PLCL1: variants seen among roughly 807,000 people sequenced by gnomAD.
PLCL1 encodes inactive phospholipase C-like protein 1.
PLCL1 carries 41 observed loss-of-function variants against 84.4 expected under a neutral mutation model. The ratio of observed to expected loss-of-function variants is 0.49; its 90% CI spans 0.38 to 0.63. PLCL1 has a LOEUF of 0.63. Ranked by LOEUF, PLCL1 falls within the 30% of genes least tolerant of loss-of-function variation. The pLI, the probability that PLCL1 is intolerant of heterozygous loss-of-function variation, is 0.00. For missense variants in PLCL1, 1,206 were observed against 1,367.8 expected (o/e 0.88, Z 1.87); for synonymous variants, 490 against 488.3 (o/e 1.00, Z -0.05).
At chr2:197,866,647 T>C (rs1435570) in intron 1 of PLCL1, among the ~76,000 whole-genome samples, 110,595 of 152,036 alleles carry the variant, frequency 0.73, 41,273 homozygotes, top group African/African-American at 0.9. Flanking sequence ...ATATAAATAC[T>C]CCAGCTCCCT....
intron 1 of PLCL1, among the ~76,000 whole-genome samples, chr2:197,880,959 G>T (rs1359855748): frequency 3.9e-5 from 6 of 152,152 alleles, no homozygotes; most frequent in Non-Finnish European, 8.8e-5. Flanking sequence ...GTCTAAATGT[G>T]CAGAAATGTA....
At chr2:197,843,163 T>A (rs767206312) in intron 1 of PLCL1, among the ~76,000 whole-genome samples, 1 of 152,206 alleles carries the variant, frequency 6.6e-6, no homozygotes, top group Admixed American at 6.5e-5. Flanking sequence ...TAGGTCTATG[T>A]TGAGAAGGAT....
At chr2:198,119,976 G>A (rs189868098) in intron 5 of PLCL1, among the ~76,000 whole-genome samples, 1 of 152,074 alleles carries the variant, frequency 6.6e-6, no homozygotes, top group Admixed American at 6.6e-5. Flanking sequence ...GATGTCCAAG[G>A]TCACTGTAGA....
At chr2:197,983,200 C>CTTTTTTTTTTTTTTTTTTTTATTTTT (rs1690151121) in intron 1 of PLCL1, among the ~76,000 whole-genome samples, 1 of 60,256 alleles carries the variant, frequency 1.7e-5, no homozygotes, top group Non-Finnish European at 3.0e-5. Context: ...CTTTTCTTTT[C>CTTTTTTTTTTTTTTTTTTTTATTTTT]TTTTTTTTTT....
At chr2:198,070,002 C>T (rs10202569) in intron 1 of PLCL1, among the ~76,000 whole-genome samples, 97 of 152,050 alleles carry the variant, frequency 6.4e-4, no homozygotes, top group Non-Finnish European at 1.1e-3. Context: ...GAGTGTGTTG[C>T]GGGGCGGAAT....
intron 5 of PLCL1, among the ~76,000 whole-genome samples, chr2:198,122,435 CT>C (rs1312176577): frequency 6.6e-6 from 1 of 152,050 alleles, no homozygotes; most frequent in Non-Finnish European, 1.5e-5. Flanking sequence ...ATCTTCATCA[CT>C]GCCAATCTTT....
At chr2:197,984,325 C>T (rs898897578) in intron 1 of PLCL1, among the ~76,000 whole-genome samples, 4 of 152,106 alleles carry the variant, frequency 2.6e-5, no homozygotes, top group Admixed American at 6.5e-5. Context: ...TAGAGAACTT[C>T]GGTTACCTTA....
intron 1 of PLCL1, among the ~76,000 whole-genome samples, chr2:197,987,966 TCA>T (rs1482376147): frequency 1.3e-5 from 2 of 152,166 alleles, no homozygotes; most frequent in Non-Finnish European, 2.9e-5. Context: ...AGACTGAGTT[TCA>T]GTTTTAGAAG....
At chr2:197,912,112 G>A (rs1474378349) in intron 1 of PLCL1, among the ~76,000 whole-genome samples, 2 of 152,168 alleles carry the variant, frequency 1.3e-5, no homozygotes, top group Non-Finnish European at 2.9e-5. Flanking sequence ...GTGATGGCTG[G>A]GAAGAAGGTG....
chr2:197,966,586 T>A (rs918131522), intron 1 of PLCL1, among the ~76,000 whole-genome samples: 1 of 152,066 alleles, frequency 6.6e-6, no homozygotes, highest in East Asian at 1.9e-4. Context: ...GCACATAGAT[T>A]CTCTCTTTGA....
intron 1 of PLCL1, among the ~76,000 whole-genome samples, chr2:197,931,046 G>A: frequency 6.6e-6 from 1 of 152,156 alleles, no homozygotes; most frequent in East Asian, 1.9e-4. Context: ...GGGCAGGTAA[G>A]TGAAGGGTTT....
intron 1 of PLCL1, among the ~76,000 whole-genome samples, chr2:197,968,375 C>T (rs909418594): frequency 2.0e-5 from 3 of 152,096 alleles, no homozygotes; most frequent in Non-Finnish European, 4.4e-5. Context: ...TATCAGAGAT[C>T]CCCCCTTACA....
chr2:198,088,195 A>T (rs1692933755), intron 2 of PLCL1, among the ~76,000 whole-genome samples: 1 of 152,196 alleles, frequency 6.6e-6, no homozygotes, highest in South Asian at 2.1e-4. Flanking sequence ...GATAGTTCAT[A>T]TTATCTTAAC....
In PLCL1 at chr2:198,084,498, A is replaced by G; in HGVS notation, c.981A>G (p.Lys327=). ...TACTTGTACAGATATCTAAAAACAA[A>G]GAATATTTGGATGCCAATGATCTCA... is the stretch of plus-strand genomic sequence containing the variant. ...YFLLVQISKN[K]EYLDANDLML... The change falls in exon 2 of 6, where the codon AAA becomes AAG. Residue 327 remains lysine (K), a synonymous_variant. Coordinates refer to ENST00000428675, the MANE Select transcript of PLCL1 (RefSeq NM_006226.4). 6.2e-7 allele frequency: 1 copy of G among 1,614,112 alleles called. No individual in the cohort carries two copies. Among genetic ancestry groups the G allele is most frequent in the Non-Finnish European group, 8.5e-7 (1 of 1,179,956 alleles).
At chr2:197,974,074 G>A (rs962182461) in intron 1 of PLCL1, among the ~76,000 whole-genome samples, 1 of 152,164 alleles carries the variant, frequency 6.6e-6, no homozygotes, top group Admixed American at 6.5e-5. Context: ...GCCTGTAAGA[G>A]AATAAGAAAA....
intron 1 of PLCL1, among the ~76,000 whole-genome samples, chr2:197,972,540 A>G (rs1689892272): frequency 6.6e-6 from 1 of 152,186 alleles, no homozygotes; most frequent in African/African-American, 2.4e-5. Context: ...ATCCTTCATC[A>G]TCAGTTCACT....
Position 198,083,967 on chromosome 2 carries a change from G to C in PLCL1, c.450G>C (p.Lys150Asn). 1 of 1,614,094 alleles carries C rather than the reference G, an allele frequency of 6.2e-7. No homozygotes were observed. The highest frequency in any genetic ancestry group is 8.5e-7 in the Non-Finnish European group (1 of 1,179,988). ...DLQALRWEPS[K>N]KDLEKAKLDI... ...AAGCTCTTCGCTGGGAACCTTCAAA[G>C]AAAGACCTCGAGAAAGCCAAGCTTG... is the stretch of plus-strand genomic sequence containing the variant. The change falls in exon 2 of 6, where the codon AAG becomes AAC. Residue 150 changes from lysine (K) to asparagine (N), a missense_variant. Coordinates refer to ENST00000428675, the MANE Select transcript of PLCL1 (RefSeq NM_006226.4).
intron 1 of PLCL1, among the ~76,000 whole-genome samples, chr2:197,915,522 A>ATT (rs879865594): frequency 2.1e-5 from 3 of 143,574 alleles, no homozygotes; most frequent in Non-Finnish European, 1.5e-5. Context: ...TCAGAAGGAG[A>ATT]TTTTTTTTTT....
At chr2:198,049,294 A>T (rs1691874184) in intron 1 of PLCL1, among the ~76,000 whole-genome samples, 1 of 152,226 alleles carries the variant, frequency 6.6e-6, no homozygotes, top group South Asian at 2.1e-4. Context: ...CTCATAATAG[A>T]CAGCACCTGT....
Sources: gnomAD v4.1 joint callset for allele counts (sites outside exome capture counted in the v4.1 genomes callset) on GRCh38, gnomAD v4.1.1 for gene constraint, MANE v1.5 for transcripts, NCBI Gene and HGNC (gene_info 2026-07-23, HGNC 2026-07-21) for gene names.